Variants in IFT43 observed in about 807,000 individuals in gnomAD.
IFT43 encodes the protein intraflagellar transport 43.
IFT43 carries 33 observed loss-of-function variants against 32.3 expected under a neutral mutation model. The observed-to-expected ratio is 1.02, with a 90% CI of 0.77 to 1.37. The LOEUF is 1.37. Ranked by LOEUF, IFT43 falls within the 40% of genes most tolerant of loss-of-function variation. IFT43 has a pLI of 0.00. For missense variants in IFT43, 274 were observed against 265.9 expected (o/e 1.03, Z -0.21); for synonymous variants, 93 against 98.2 (o/e 0.95, Z 0.31).
chr14:76,019,663 A>G (rs548304253), intron 2 of IFT43, among the ~76,000 whole-genome samples: 1 of 152,250 alleles, frequency 6.6e-6, no homozygotes, highest in Non-Finnish European at 1.5e-5. Context: ...TAGGTTTTCA[A>G]TACCTTTGCC....
intron 2 of IFT43, among the ~76,000 whole-genome samples, chr14:75,998,854 T>C (rs2035796563): frequency 6.6e-6 from 1 of 152,214 alleles, no homozygotes; most frequent in Non-Finnish European, 1.5e-5. Flanking sequence ...CCCCTCGGCC[T>C]GCCGAGTAAC....
Position 75,999,261 on chromosome 14 carries a change from A to ATATG in IFT43, c.147+10287_147+10288insGTAT, listed in dbSNP as rs1654703137. On this transcript the variant is annotated intron_variant, in intron 2 of 8. Transcript: ENST00000314067. ...TATATATATATATATATATATATAT[A>ATATG]TATATATATATGTATATATATTTTT... Among the ~76,000 whole-genome samples the ATATG allele has an allele frequency of 1.7e-4, 4 of 23,362 alleles. 1 individual carries two copies. The highest frequency in any genetic ancestry group is 1.3e-3 in the East Asian group (1 of 746). The allele number at this position is 23,362 out of a possible 152,430, so 15.3% of individuals were successfully genotyped here.
chr14:76,032,785 C>G (rs570785594), intron 3 of IFT43, among the ~76,000 whole-genome samples: 1 of 152,148 alleles, frequency 6.6e-6, no homozygotes, highest in Non-Finnish European at 1.5e-5. Context: ...GAGCCTAAAC[C>G]AGGGCCATGT....
chr14:76,000,400 G>A (rs1464993668), intron 2 of IFT43, among the ~76,000 whole-genome samples: 1 of 151,184 alleles, frequency 6.6e-6, no homozygotes, highest in Non-Finnish European at 1.5e-5. Flanking sequence ...GAGTAGCTAG[G>A]ACTACAGGCG....
intron 2 of IFT43, among the ~76,000 whole-genome samples, chr14:76,014,720 T>C (rs72725674): frequency 0.15 from 22,404 of 152,174 alleles, 1,946 homozygotes; most frequent in Non-Finnish European, 0.2. Flanking sequence ...TTTAGACATA[T>C]ATTGTAAGCC....
rs1043013720 is a variant in IFT43 at position 75,998,579 on chromosome 14, G to A, written c.147+9602G>A. Among the ~76,000 whole-genome samples the A allele has an allele frequency of 2.0e-5, 3 of 152,212 alleles. No homozygotes were observed. The East Asian group carries it at 5.8e-4, about 29-fold the overall frequency. ...GGAGAGGAGAAACCAAGCACCTATGGTGTCCAGAAGCCAAGATAAGTGAGA... is the reference window on the plus strand; with the variant it reads ...GGAGAGGAGAAACCAAGCACCTATGATGTCCAGAAGCCAAGATAAGTGAGA... On this transcript the variant is annotated intron_variant, in intron 2 of 8. Transcript: ENST00000314067.
intron 2 of IFT43, among the ~76,000 whole-genome samples, chr14:76,017,260 G>C (rs1198958726): frequency 6.6e-6 from 1 of 151,936 alleles, no homozygotes; most frequent in African/African-American, 2.4e-5. Context: ...TATTATGAAG[G>C]GATGTTCAAT....
intron 3 of IFT43, among the ~76,000 whole-genome samples, chr14:76,027,724 AG>A (rs1463257796): frequency 1.4e-4 from 20 of 148,086 alleles, no homozygotes; most frequent in African/African-American, 4.1e-4. Flanking sequence ...AAAAAAAAAA[AG>A]ATTCATGACA....
chr14:76,076,654 TCA>T lies in IFT43; in HGVS notation c.296-5638_296-5637del, dbSNP rs1566737462. 5 of 1,614,180 alleles carry T rather than the reference TCA, an allele frequency of 3.1e-6. No homozygotes were observed. Among genetic ancestry groups the T allele is most frequent in the Non-Finnish European group, 4.2e-6 (5 of 1,180,020 alleles). On this transcript the variant is annotated intron_variant, in intron 5 of 8. Coordinates refer to ENST00000314067, the MANE Select transcript of IFT43 (RefSeq NM_001102564.3). The stretch of plus-strand genomic sequence containing the variant: ...TGAACGCATGCTATCACAAAACGCA[TCA>T]CAGAGATTTGGGGCTGGCTTCATTG...
At chr14:75,991,634 G>A (rs560854397) in intron 2 of IFT43, among the ~76,000 whole-genome samples, 1 of 152,168 alleles carries the variant, frequency 6.6e-6, no homozygotes, top group South Asian at 2.1e-4. Flanking sequence ...TCATTGCTGT[G>A]AGAATATAAC....
At chr14:76,075,892 T>G (rs1326273710) in intron 5 of IFT43, among the ~76,000 whole-genome samples, 2 of 152,218 alleles carry the variant, frequency 1.3e-5, no homozygotes, top group African/African-American at 4.8e-5. Context: ...ATTATAATGA[T>G]CTCTGGTTTT....
chr14:76,019,241 T>A (rs139401103), intron 2 of IFT43, among the ~76,000 whole-genome samples: 4 of 152,202 alleles, frequency 2.6e-5, no homozygotes, highest in African/African-American at 4.8e-5. Flanking sequence ...CACTTCCATA[T>A]GTAGGACTCC....
chr14:76,027,880 G>C (rs1235723167), intron 3 of IFT43, among the ~76,000 whole-genome samples: 1 of 151,864 alleles, frequency 6.6e-6, no homozygotes. Context: ...GATCCAATCA[G>C]CTCAAATATT....
chr14:76,044,898 C>T (rs1783075190), intron 3 of IFT43, among the ~76,000 whole-genome samples: 1 of 152,194 alleles, frequency 6.6e-6, no homozygotes, highest in African/African-American at 2.4e-5. Flanking sequence ...GTAGTAAATA[C>T]ATTTTTCTTC....
intron 2 of IFT43, among the ~76,000 whole-genome samples, chr14:76,015,066 T>A (rs896058150): frequency 6.6e-6 from 1 of 152,218 alleles, no homozygotes; most frequent in South Asian, 2.1e-4. Flanking sequence ...TTGCACCTAG[T>A]GCACATGGGA....
chr14:76,066,895 C>T (rs1639278775), intron 5 of IFT43, among the ~76,000 whole-genome samples: 1 of 152,156 alleles, frequency 6.6e-6, no homozygotes, highest in South Asian at 2.1e-4. Flanking sequence ...CTCCTTCCAC[C>T]ACCAGCCTTG....
intron 1 of IFT43, among the ~76,000 whole-genome samples, chr14:75,988,622 G>A (rs1253811949): frequency 6.6e-6 from 1 of 152,036 alleles, no homozygotes; most frequent in Non-Finnish European, 1.5e-5. Context: ...AGGTTCAAGC[G>A]ATTCTCCCGC....
At chr14:76,008,683 T>C (rs970257518) in intron 2 of IFT43, among the ~76,000 whole-genome samples, 2 of 152,224 alleles carry the variant, frequency 1.3e-5, no homozygotes, top group African/African-American at 4.8e-5. Flanking sequence ...CATGTCCTCC[T>C]TGATTCAGTC....
intron 5 of IFT43, among the ~76,000 whole-genome samples, chr14:76,080,012 C>T (rs1232759024): frequency 9.9e-5 from 15 of 152,090 alleles, no homozygotes; most frequent in Admixed American, 9.8e-4. Context: ...GAGCACTTGC[C>T]TGTGATTGTA....
Sources: gnomAD v4.1 joint callset for allele counts (sites outside exome capture counted in the v4.1 genomes callset) on GRCh38, gnomAD v4.1.1 for gene constraint, MANE v1.5 for transcripts, NCBI Gene and HGNC (gene_info 2026-07-23, HGNC 2026-07-21) for gene names.